ADAMTS6: variants seen among roughly 807,000 people sequenced by gnomAD.
The protein encoded by ADAMTS6 is ADAM metallopeptidase with thrombospondin type 1 motif 6.
A neutral mutation model predicts 144.3 loss-of-function variants in ADAMTS6; 23 were observed. The observed-to-expected ratio is 0.16, with a 90% CI of 0.11 to 0.23. The LOEUF (loss-of-function observed/expected upper bound fraction) is 0.23. ADAMTS6 is among the 10% of genes least tolerant of loss of function. The pLI is 1.00. For missense variants in ADAMTS6, 999 were observed against 1,379.6 expected (o/e 0.72, Z 4.37); for synonymous variants, 444 against 457.5 (o/e 0.97, Z 0.38).
chr5:65,469,687 C>T (rs1760285658), intron 3 of ADAMTS6, among the ~76,000 whole-genome samples: 1 of 152,168 alleles, frequency 6.6e-6, no homozygotes, highest in Non-Finnish European at 1.5e-5. Context: ...ACAATTGGAG[C>T]ACATTCCTAT....
At chr5:65,450,034 A>G (rs1171948090) in intron 7 of ADAMTS6, among the ~76,000 whole-genome samples, 1 of 152,184 alleles carries the variant, frequency 6.6e-6, no homozygotes, top group African/African-American at 2.4e-5. Context: ...TATATAACAG[A>G]TATCTTCTTC....
intron 22 of ADAMTS6, among the ~76,000 whole-genome samples, chr5:65,187,239 C>T (rs1039905028): frequency 2.6e-5 from 4 of 152,140 alleles, no homozygotes; most frequent in African/African-American, 9.7e-5. Context: ...AGTATGCATA[C>T]GTATCTGTCT....
intron 7 of ADAMTS6, among the ~76,000 whole-genome samples, chr5:65,371,640 T>C (rs999908516): frequency 6.6e-6 from 1 of 152,070 alleles, no homozygotes; most frequent in Non-Finnish European, 1.5e-5. Context: ...CAAATCTACG[T>C]CTGATTGGTG....
intron 7 of ADAMTS6, among the ~76,000 whole-genome samples, chr5:65,409,418 G>A (rs1354478933): frequency 1.3e-5 from 2 of 152,068 alleles, no homozygotes; most frequent in Admixed American, 6.5e-5. Flanking sequence ...TAAATTCCTG[G>A]ACACATACAC....
chr5:65,208,426 T>A (rs1214505565), intron 20 of ADAMTS6, among the ~76,000 whole-genome samples: 1 of 152,292 alleles, frequency 6.6e-6, no homozygotes, highest in South Asian at 2.1e-4. Context: ...CATTGCTCTA[T>A]GGAAGGCATT....
Position 65,470,817 on chromosome 5 carries a change from A to G in ADAMTS6, c.423T>C (p.Arg141=), listed in dbSNP as rs1467677711. 1 of 1,608,764 alleles carries G rather than the reference A, an allele frequency of 6.2e-7. No homozygotes were observed. Among genetic ancestry groups the G allele is most frequent in the Non-Finnish European group, 8.5e-7 (1 of 1,178,588 alleles). ...CHYTGYLQDQ[R]STTKVALSNC... is the part of the protein sequence containing the mutation. ...TGCTTAAAGCCACTTTAGTTGTACT[A>G]CGTTGATCTTGCAAATATCCTGTGT... is the stretch of plus-strand genomic sequence containing the variant. Residue 141 remains arginine, a synonymous_variant, in exon 3 of 25, where the codon CGT becomes CGC. Coordinates refer to ENST00000381055, the MANE Select transcript of ADAMTS6 (RefSeq NM_197941.4).
chr5:65,198,326 T>C (rs1755519823), intron 20 of ADAMTS6, among the ~76,000 whole-genome samples: 1 of 103,562 alleles, frequency 9.7e-6, no homozygotes, highest in African/African-American at 4.0e-5. Context: ...GTTGTTTTTC[T>C]TTTTTTTTTC....
chr5:65,287,145 C>T (rs1185755230), intron 11 of ADAMTS6, among the ~76,000 whole-genome samples: 1 of 152,116 alleles, frequency 6.6e-6, no homozygotes, highest in Non-Finnish European at 1.5e-5. Flanking sequence ...ACCTTGAAGA[C>T]GTCCTATCTT....
chr5:65,337,184 T>C (rs994197206), intron 7 of ADAMTS6, among the ~76,000 whole-genome samples: 1 of 152,162 alleles, frequency 6.6e-6, no homozygotes, highest in African/African-American at 2.4e-5. Flanking sequence ...CATTCAAATA[T>C]AGAATTGATG....
intron 3 of ADAMTS6, among the ~76,000 whole-genome samples, chr5:65,461,005 C>A (rs1759605773): frequency 1.3e-5 from 2 of 152,130 alleles, no homozygotes; most frequent in South Asian, 2.1e-4. Context: ...CCCATACATC[C>A]CCCATTCTGC....
chr5:65,277,406 A>G (rs1762626203), intron 11 of ADAMTS6, among the ~76,000 whole-genome samples: 1 of 152,186 alleles, frequency 6.6e-6, no homozygotes, highest in Non-Finnish European at 1.5e-5. Flanking sequence ...GTTCTTTGAC[A>G]AAATTAGAAG....
intron 7 of ADAMTS6, among the ~76,000 whole-genome samples, chr5:65,421,965 C>A (rs935536714): frequency 6.6e-6 from 1 of 152,044 alleles, no homozygotes; most frequent in Non-Finnish European, 1.5e-5. Context: ...ATAAATGGGA[C>A]CTTGTTAAAA....
chr5:65,334,035 A>C lies in ADAMTS6; in HGVS notation c.1117+7T>G. On this transcript the variant is annotated splice_region_variant and intron_variant, in intron 8 of 24. Coordinates refer to ENST00000381055, the MANE Select transcript of ADAMTS6 (RefSeq NM_197941.4). ...AAAAAAAAAAAAAAAAACCAAAAAA[A>C]ACTTACCCAGTGTTCCACAGGGCTT... The C allele has an allele frequency of 6.9e-7, 1 of 1,440,876 alleles. No homozygotes were observed. Among genetic ancestry groups the C allele is most frequent in the Non-Finnish European group, 9.1e-7 (1 of 1,099,632 alleles). 89.3% of individuals were successfully genotyped at this position (1,440,876 alleles called of 1,614,324 possible).
At chr5:65,345,732 C>T (rs1279395112) in intron 7 of ADAMTS6, among the ~76,000 whole-genome samples, 1 of 151,808 alleles carries the variant, frequency 6.6e-6, no homozygotes, top group Non-Finnish European at 1.5e-5. Flanking sequence ...ACTTTTGAGT[C>T]TTCCCTTTCC....
chr5:65,449,235 TATG>T (rs1371311804), intron 7 of ADAMTS6, among the ~76,000 whole-genome samples: 3 of 152,234 alleles, frequency 2.0e-5, no homozygotes, highest in African/African-American at 7.2e-5. Flanking sequence ...TCTAAAATAA[TATG>T]ATATGAACTC....
intron 16 of ADAMTS6, among the ~76,000 whole-genome samples, chr5:65,225,348 G>A (rs934877341): frequency 1.3e-5 from 2 of 152,164 alleles, no homozygotes; most frequent in Non-Finnish European, 2.9e-5. Flanking sequence ...CAGAAGGATA[G>A]AAACTTTTCC....
At chr5:65,175,847 G>A (rs1183372272) in intron 22 of ADAMTS6, among the ~76,000 whole-genome samples, 2 of 148,514 alleles carry the variant, frequency 1.3e-5, no homozygotes, top group Admixed American at 6.8e-5. Flanking sequence ...CAGGACAATC[G>A]ATGGTTCCTC....
intron 22 of ADAMTS6, among the ~76,000 whole-genome samples, chr5:65,176,439 T>C (rs550717207): frequency 2.5e-4 from 38 of 152,338 alleles, no homozygotes; most frequent in African/African-American, 8.7e-4. Context: ...TGTAAATTTT[T>C]ACCTACATTA....
chr5:65,261,853 G>A (rs1228593281), intron 13 of ADAMTS6, among the ~76,000 whole-genome samples: 1 of 151,496 alleles, frequency 6.6e-6, no homozygotes, highest in African/African-American at 2.4e-5. Context: ...AAAGAAAAAA[G>A]ACAGTTGGAG....
Sources: allele counts gnomAD v4.1 joint callset (sites outside exome capture counted in the v4.1 genomes callset), GRCh38; gene constraint gnomAD v4.1.1; transcripts MANE v1.5; gene names NCBI Gene and HGNC (gene_info 2026-07-23, HGNC 2026-07-21).